ADCK1: variants seen among roughly 807,000 people sequenced by gnomAD.
ADCK1 encodes the protein aarF domain containing kinase 1, also known as aarF domain-containing protein kinase 1.
Under a neutral mutation model 52.3 loss-of-function variants are expected in ADCK1, and 41 were observed. The observed-to-expected ratio is 0.78, with a 90% CI of 0.61 to 1.02. ADCK1 has a LOEUF of 1.02. Ranked by LOEUF, ADCK1 falls within the 50% of genes least tolerant of loss-of-function variation. The pLI is 0.00. For synonymous variants in ADCK1, 250 were observed against 274.6 expected, an observed-to-expected ratio of 0.91 and a Z score of 0.89; for missense variants, 658 against 679.5, an observed-to-expected ratio of 0.97 and a Z score of 0.35.
intron 1 of ADCK1, among the ~76,000 whole-genome samples, chr14:77,805,459 A>G (rs1259332972): frequency 6.6e-6 from 1 of 151,724 alleles, no homozygotes; most frequent in Non-Finnish European, 1.5e-5. Context: ...ACAGGGCTTC[A>G]CCACATTGGC....
chr14:77,906,800 A>G (rs755156495), intron 6 of ADCK1, among the ~76,000 whole-genome samples: 3 of 152,082 alleles, frequency 2.0e-5, no homozygotes, highest in Non-Finnish European at 2.9e-5. Context: ...CTTTTTTTTA[A>G]ATCAAGGAAA....
intron 3 of ADCK1, among the ~76,000 whole-genome samples, chr14:77,831,823 C>T (rs2081856917): frequency 6.6e-6 from 1 of 152,152 alleles, no homozygotes; most frequent in Non-Finnish European, 1.5e-5. Context: ...AATTTCTGGC[C>T]TGTGGATATT....
chr14:77,915,768 G>A (rs145648426), intron 7 of ADCK1, among the ~76,000 whole-genome samples: 2 of 152,322 alleles, frequency 1.3e-5, no homozygotes, highest in African/African-American at 4.8e-5. Flanking sequence ...TCAGGAGTGA[G>A]TAACTGTGTT....
chr14:77,847,136 G>C (rs547576183), intron 3 of ADCK1, among the ~76,000 whole-genome samples: 1 of 152,302 alleles, frequency 6.6e-6, no homozygotes, highest in Admixed American at 6.5e-5. Flanking sequence ...TTATGGAGAT[G>C]CTATGCAAGG....
At chr14:77,895,765 G>T (rs1215873580) in intron 5 of ADCK1, among the ~76,000 whole-genome samples, 2 of 152,140 alleles carry the variant, frequency 1.3e-5, no homozygotes, top group Non-Finnish European at 2.9e-5. Flanking sequence ...CTCTTAACCT[G>T]ACCCCCTCCC....
chr14:77,840,346 T>C (rs1160318276), intron 3 of ADCK1, among the ~76,000 whole-genome samples: 1 of 152,096 alleles, frequency 6.6e-6, no homozygotes, highest in Non-Finnish European at 1.5e-5. Flanking sequence ...CCTTTTTTTT[T>C]TTCCATCTTG....
At position 77,887,134 on chromosome 14, in the gene ADCK1, C is replaced by A; in HGVS notation, c.467C>A (p.Thr156Lys). The change falls in exon 5 of 11, where the codon ACG becomes AAG. Residue 156 changes from threonine to lysine, a missense_variant. Physicochemically the swap from Thr to Lys is moderately conservative, Grantham distance 78. Transcript: ENST00000238561. ...FQSFDDTPLG[T>K]ASLAQVHKAV... ...AGCTTCGATGACACCCCTCTGGGGA[C>A]GGCCTCCCTGGCCCAGGTCCACAAG... 6.2e-7 allele frequency: 1 copy of A among 1,606,194 alleles called. No individual in the cohort carries two copies. The highest frequency in any genetic ancestry group is 1.7e-5 in the Admixed American group (1 of 59,164).
chr14:77,837,584 G>A (rs1190634455), intron 3 of ADCK1, among the ~76,000 whole-genome samples: 1 of 152,190 alleles, frequency 6.6e-6, no homozygotes, highest in African/African-American at 2.4e-5. Context: ...ATGCCAAATG[G>A]TGCAGCTCCT....
intron 3 of ADCK1, among the ~76,000 whole-genome samples, chr14:77,833,108 G>T (rs2081891626): frequency 6.6e-6 from 1 of 152,200 alleles, no homozygotes; most frequent in South Asian, 2.1e-4. Context: ...GGACTGATTT[G>T]TCTATTAGAA....
chr14:77,894,193 C>G (rs1209708212), intron 5 of ADCK1, among the ~76,000 whole-genome samples: 1 of 152,178 alleles, frequency 6.6e-6, no homozygotes, highest in African/African-American at 2.4e-5. Flanking sequence ...CCCTATAAAT[C>G]TGTTTTCTAA....
At chr14:77,814,852 T>G (rs2081410638) in intron 1 of ADCK1, among the ~76,000 whole-genome samples, 2 of 151,598 alleles carry the variant, frequency 1.3e-5, no homozygotes, top group African/African-American at 4.8e-5. Context: ...ACTCTAGGAA[T>G]CTACATTTAT....
intron 4 of ADCK1, among the ~76,000 whole-genome samples, chr14:77,874,196 C>T (rs1317518351): frequency 6.6e-6 from 1 of 152,200 alleles, no homozygotes; most frequent in African/African-American, 2.4e-5. Context: ...TGCTTGAGTT[C>T]TCTTGATTCA....
At chr14:77,931,739 C>G in intron 10 of ADCK1, 28 bp downstream of exon 10, 1 of 1,589,390 alleles carries the variant, frequency 6.3e-7, no homozygotes, top group Non-Finnish European at 8.5e-7. Flanking sequence ...CCTCTCCTCC[C>G]CTCCTAGCCC....
In ADCK1 at chr14:77,918,327, T is replaced by A. The variant is rs368337779; in HGVS notation, c.859-6130T>A. On this transcript the variant is annotated intron_variant, in intron 7 of 10. Coordinates refer to ENST00000238561, the MANE Select transcript of ADCK1 (RefSeq NM_020421.4). The stretch of plus-strand genomic sequence containing the variant: ...TATCGTATTTTCACTTAGTACCCTG[T>A]CCTCAGCAACCTTCACCTAGCAACC... Among the ~76,000 whole-genome samples, 152 of 152,326 alleles carry A rather than the reference T, an allele frequency of 1.0e-3. 4 individuals are homozygous for A. The South Asian group carries it at 0.028, about 28-fold the overall frequency.
chr14:77,901,432 C>T (rs1458631393), intron 6 of ADCK1, among the ~76,000 whole-genome samples: 11 of 151,180 alleles, frequency 7.3e-5, no homozygotes, highest in African/African-American at 2.7e-4. Context: ...CTCTGTCACC[C>T]AGGCTGGTGC....
At chr14:77,921,020 T>C (rs1323867570) in intron 7 of ADCK1, among the ~76,000 whole-genome samples, 1 of 151,912 alleles carries the variant, frequency 6.6e-6, no homozygotes. Context: ...AGTGGGTATG[T>C]ATTTTTTCTA....
At chr14:77,926,326 A>G (rs1371431392) in intron 9 of ADCK1, among the ~76,000 whole-genome samples, 1 of 152,004 alleles carries the variant, frequency 6.6e-6, no homozygotes, top group Non-Finnish European at 1.5e-5. Flanking sequence ...CTTAGGGACT[A>G]TCTCTTAAAT....
intron 4 of ADCK1, among the ~76,000 whole-genome samples, chr14:77,866,959 GT>G (rs957193246): frequency 2.4e-4 from 37 of 152,224 alleles, no homozygotes; most frequent in African/African-American, 8.2e-4. Context: ...CTCTCATATT[GT>G]TTGCTTCTTT....
At chr14:77,859,874 A>G (rs988056332) in intron 4 of ADCK1, among the ~76,000 whole-genome samples, 20 of 152,196 alleles carry the variant, frequency 1.3e-4, no homozygotes, top group Non-Finnish European at 4.4e-5. Context: ...GGTGTTCTAT[A>G]CTATTGTGGT....
Sources: allele counts gnomAD v4.1 joint callset (sites outside exome capture counted in the v4.1 genomes callset), GRCh38; gene constraint gnomAD v4.1.1; transcripts MANE v1.5; gene names NCBI Gene and HGNC (gene_info 2026-07-23, HGNC 2026-07-21).